The following PHAX variants were observed in gnomAD, a reference collection of about 807,000 sequenced individuals.
The protein encoded by PHAX is phosphorylated adapter RNA export protein.
Under a neutral mutation model 41.6 loss-of-function variants are expected in PHAX, and 31 were observed. The observed-to-expected ratio is 0.75, with a 90% confidence interval of 0.56 to 1.01. The LOEUF is 1.01. PHAX is among the 50% of genes least tolerant of loss of function. PHAX has a pLI of 0.00. For missense variants in PHAX, 453 were observed against 472.9 expected, an observed-to-expected ratio of 0.96 and a Z score of 0.39; for synonymous variants, 175 against 164.9, an observed-to-expected ratio of 1.06 and a Z score of -0.47.
Position 126,603,560 on chromosome 5 carries a change from T to A in PHAX, c.97-10T>A. On this transcript the variant is annotated splice_polypyrimidine_tract_variant and intron_variant, in intron 1 of 4. Transcript: ENST00000297540. ...TTTGTGAAATTGATTGTGTTTCTTT[T>A]CACTTGCAGAAAGTGCTAGGTGGCG... The A allele has an allele frequency of 6.3e-7, 1 of 1,582,562 alleles. No individual in the cohort carries two copies. The highest frequency in any genetic ancestry group is 8.6e-7 in the Non-Finnish European group (1 of 1,162,110).
At chr5:126,607,327 T>G (rs1364726552) in intron 2 of PHAX, among the ~76,000 whole-genome samples, 3 of 151,736 alleles carry the variant, frequency 2.0e-5, no homozygotes, top group Non-Finnish European at 2.9e-5. Context: ...AGTCTATTTC[T>G]CTTTCCACAA....
At chr5:126,608,252 T>C in intron 2 of PHAX, 112 bp from the exon 3 acceptor site, 1 of 1,293,196 alleles carries the variant, frequency 7.7e-7, no homozygotes, top group South Asian at 1.6e-5. Context: ...ATTGAAGATT[T>C]AGAAAACCAA....
chr5:126,608,831 G>T (rs1752031433), intron 3 of PHAX, among the ~76,000 whole-genome samples: 1 of 151,626 alleles, frequency 6.6e-6, no homozygotes, highest in African/African-American at 2.4e-5. Context: ...AGCTACTCAG[G>T]AGGCTGAGGC....
At chr5:126,611,553 A>G (rs1235084428) in intron 3 of PHAX, among the ~76,000 whole-genome samples, 1 of 152,146 alleles carries the variant, frequency 6.6e-6, no homozygotes, top group Non-Finnish European at 1.5e-5. Flanking sequence ...TGGGGGGCCA[A>G]GGAGGGTAGA....
At position 126,601,003 on chromosome 5, in the gene PHAX, C is replaced by G. The variant is rs369066227; in HGVS notation, c.41C>G (p.Ser14Cys). The change falls in exon 1 of 5, where the codon TCC (serine) becomes TGC (cysteine). Residue 14 changes from serine to cysteine, a missense_variant. Ser to Cys is a moderately radical substitution (Grantham distance 112, BLOSUM62 -1). Coordinates refer to ENST00000297540, the MANE Select transcript of PHAX (RefSeq NM_032177.4). ...EVGDMEDGQLSDSDSDMTVAP... is the reference protein window; with the variant it reads ...EVGDMEDGQLCDSDSDMTVAP... ...GGCGATATGGAAGATGGGCAGCTTT[C>G]CGACTCGGATTCCGACATGACGGTC... 1.1e-5 allele frequency: 18 copies of G among 1,606,098 alleles called. No homozygotes were observed. Among genetic ancestry groups the G allele is most frequent in the Non-Finnish European group, 1.4e-5 (17 of 1,176,474 alleles).
Position 126,608,358 on chromosome 5 carries a change from C to A in PHAX, c.711-6C>A. 1 of 1,611,844 alleles carries A rather than the reference C, an allele frequency of 6.2e-7. No individual in the cohort carries two copies. Among genetic ancestry groups the A allele is most frequent in the South Asian group, 1.1e-5 (1 of 90,742 alleles). On this transcript the variant is annotated splice_region_variant and splice_polypyrimidine_tract_variant and intron_variant, in intron 2 of 4. Coordinates refer to ENST00000297540, the MANE Select transcript of PHAX (RefSeq NM_032177.4). ...AAAGAGGATAATTTTACTTGTTTCTCATCAGGTTACAGGAACCAAAGAAAG... is the reference window on the plus strand; with the variant it reads ...AAAGAGGATAATTTTACTTGTTTCTAATCAGGTTACAGGAACCAAAGAAAG...
chr5:126,609,094 A>ATT (rs1752037526), intron 3 of PHAX, among the ~76,000 whole-genome samples: 2 of 115,390 alleles, frequency 1.7e-5, no homozygotes, highest in African/African-American at 8.7e-5. Flanking sequence ...GTAGGGGTTG[A>ATT]ATTTTTTTTT....
intron 2 of PHAX, among the ~76,000 whole-genome samples, chr5:126,607,908 C>CT: frequency 6.6e-6 from 1 of 152,234 alleles, no homozygotes; most frequent in East Asian, 1.9e-4. Flanking sequence ...TTAGCTGTTT[C>CT]TATTTTTTGT....
rs79572889 is a variant in PHAX at position 126,607,087 on chromosome 5, A to G, written c.711-1277A>G. ...TTCATTAGCTCTAAATTACTAATGA[A>G]CAGTGTCATAAATTTGAAAACAGAT... On this transcript the variant is annotated intron_variant, in intron 2 of 4. Transcript: ENST00000297540. Among the ~76,000 whole-genome samples the G allele has an allele frequency of 2.9e-3, 447 of 152,346 alleles. 2 individuals carry two copies. Among genetic ancestry groups the G allele is most frequent in the African/African-American group, 0.01 (424 of 41,586 alleles).
chr5:126,618,013 G>T (rs1341433941), intron 4 of PHAX, among the ~76,000 whole-genome samples: 3 of 152,026 alleles, frequency 2.0e-5, no homozygotes, highest in African/African-American at 7.2e-5. Context: ...GAGTGCAGTG[G>T]CGCAATTTCT....
intron 3 of PHAX, among the ~76,000 whole-genome samples, chr5:126,609,667 T>C (rs2112832060): frequency 6.6e-6 from 1 of 151,864 alleles, no homozygotes; most frequent in Non-Finnish European, 1.5e-5. Context: ...TAAACAGAAG[T>C]GTTCATTTTG....
rs1186689349 is a variant in PHAX, at chr5:126,610,011, AC to A, written c.831+1528del. 2.0e-5 allele frequency among the ~76,000 whole-genome samples: 3 copies of A among 152,248 alleles called. No individual in the cohort carries two copies. In the East Asian group the frequency reaches 5.8e-4, roughly 29 times the overall value. On this transcript the variant is annotated intron_variant, in intron 3 of 4. Transcript: ENST00000297540. ...CTCGGCCTCCCAAAGTGCTGGGATT[AC>A]AGGCTTGAGCCACTGTGCCCGGTCA... is the stretch of plus-strand genomic sequence containing the variant.
chr5:126,601,144 G>C (rs1282287590), intron 1 of PHAX, 86 bp downstream of exon 1: 1 of 954,512 alleles, frequency 1.0e-6, no homozygotes, highest in Non-Finnish European at 1.6e-6. Context: ...TGAGGGTGAG[G>C]GGTGGGAGCT....
At position 126,626,059 on chromosome 5, in the gene PHAX, A is replaced by G. The variant is rs539658698; in HGVS notation, c.*1215A>G. ...TTAACTTGGTCATATACTAAATGTG[A>G]TCTCCTGTGGATTACCACATGCATT... On this transcript the variant is annotated 3_prime_UTR_variant, in exon 5 of 5. Coordinates refer to ENST00000297540, the MANE Select transcript of PHAX (RefSeq NM_032177.4). 3.3e-5 allele frequency: 5 copies of G among 152,252 alleles called. No homozygotes were observed. Among genetic ancestry groups the G allele is most frequent in the African/African-American group, 1.2e-4 (5 of 41,550 alleles). The allele number at this position is 152,252 out of a possible 1,614,324, so 9.4% of individuals were successfully genotyped here.
chr5:126,618,595 T>C (rs1456035594), intron 4 of PHAX, among the ~76,000 whole-genome samples: 4 of 151,952 alleles, frequency 2.6e-5, no homozygotes, highest in Admixed American at 2.6e-4. Context: ...ATTTGTTGTA[T>C]CTCCTCCTGT....
chr5:126,613,254 C>T (rs1752133625), intron 3 of PHAX, among the ~76,000 whole-genome samples: 1 of 152,028 alleles, frequency 6.6e-6, no homozygotes, highest in Admixed American at 6.6e-5. Flanking sequence ...GAGGCTGAGG[C>T]AGGAGAATTG....
intron 4 of PHAX, among the ~76,000 whole-genome samples, chr5:126,620,128 C>T (rs1381008048): frequency 1.3e-5 from 2 of 152,144 alleles, no homozygotes; most frequent in Non-Finnish European, 2.9e-5. Flanking sequence ...TTAATAGAGT[C>T]TGCTATATTG....
rs534665260 is a variant in PHAX, at chr5:126,613,520, A to T, written c.832-3730A>T. Among the ~76,000 whole-genome samples the T allele has an allele frequency of 2.6e-5, 4 of 152,222 alleles. No homozygotes were observed. In the East Asian group the frequency reaches 7.7e-4, roughly 29 times the overall value. On this transcript the variant is annotated intron_variant, in intron 3 of 4. Coordinates refer to ENST00000297540, the MANE Select transcript of PHAX (RefSeq NM_032177.4). ...GTGAAACCTTATCTCTACCAAAAAA[A>T]TACAAAAATTAGCTGTATGTTGTGG...
chr5:126,617,341 T>A lies in PHAX; in HGVS notation c.915+8T>A. ...AGCGAGGAACAAATTAAGGTAATGA[T>A]AATGTCCTCACCTCTTAAGCGCCAT... On this transcript the variant is annotated splice_region_variant and intron_variant, in intron 4 of 4. Transcript: ENST00000297540. 6.4e-7 allele frequency: 1 copy of A among 1,551,738 alleles called. No individual in the cohort carries two copies. Among genetic ancestry groups the A allele is most frequent in the Non-Finnish European group, 8.9e-7 (1 of 1,125,046 alleles).
Sources: allele counts gnomAD v4.1 joint callset (sites outside exome capture counted in the v4.1 genomes callset), GRCh38; gene constraint gnomAD v4.1.1; transcripts MANE v1.5; gene names NCBI Gene and HGNC (gene_info 2026-07-23, HGNC 2026-07-21).